The following FHOD3 variants were observed in gnomAD, a reference collection of about 807,000 sequenced individuals.
The protein encoded by FHOD3 is formin homology 2 domain containing 3.
Under a neutral mutation model 173.0 loss-of-function variants are expected in FHOD3, and 90 were observed. The ratio of observed to expected loss-of-function variants is 0.52; its 90% CI spans 0.44 to 0.62. FHOD3 has a LOEUF of 0.62. FHOD3 is among the 20% of genes least tolerant of loss of function. The pLI, the probability that FHOD3 is intolerant of heterozygous loss-of-function variation, is 0.00. For missense variants in FHOD3, 1,945 were observed against 2,034.7 expected, an observed-to-expected ratio of 0.96 and a Z score of 0.85; for synonymous variants, 828 against 823.0, an observed-to-expected ratio of 1.01 and a Z score of -0.10.
chr18:36,344,628 A>T (rs2045793102), intron 1 of FHOD3, among the ~76,000 whole-genome samples: 1 of 152,206 alleles, frequency 6.6e-6, no homozygotes, highest in Admixed American at 6.5e-5. Flanking sequence ...TAAACCAAAT[A>T]TGGCAGGAAA....
intron 3 of FHOD3, among the ~76,000 whole-genome samples, chr18:36,464,128 G>A (rs866186860): frequency 1.3e-5 from 2 of 152,292 alleles, no homozygotes; most frequent in Admixed American, 6.5e-5. Flanking sequence ...AACTTGGACC[G>A]TATCTGTGGC....
At chr18:36,681,718 T>C (rs769596701) in intron 15 of FHOD3, 148 bp downstream of exon 15, 1 of 1,035,422 alleles carries the variant, frequency 9.7e-7, no homozygotes, top group Non-Finnish European at 1.4e-6. Context: ...ATACCTGAAA[T>C]AGGCTGGATC....
chr18:36,398,241 C>T (rs570376389), intron 3 of FHOD3, among the ~76,000 whole-genome samples: 1 of 152,312 alleles, frequency 6.6e-6, no homozygotes, highest in South Asian at 2.1e-4. Flanking sequence ...GAAAACAATT[C>T]AGTGCTATGA....
intron 9 of FHOD3, among the ~76,000 whole-genome samples, chr18:36,625,281 C>G (rs1318722270): frequency 6.6e-5 from 10 of 152,190 alleles, no homozygotes; most frequent in African/African-American, 2.4e-4. Context: ...CTGCCCGCTT[C>G]GTGTCTGTTT....
intron 3 of FHOD3, among the ~76,000 whole-genome samples, chr18:36,410,788 C>T (rs528609895): frequency 6.6e-6 from 1 of 152,258 alleles, no homozygotes; most frequent in African/African-American, 2.4e-5. Flanking sequence ...GCCTATTGGG[C>T]ATTTGTATAT....
In FHOD3 at chr18:36,757,477, A is replaced by G. The variant is rs1366740936; in HGVS notation, c.4426-1641A>G. ...CAAGGACATCATAACCTGGTTAAAA[A>G]TGGCATATACACAACTTAAACCACT... On this transcript the variant is annotated intron_variant, in intron 25 of 28. Coordinates refer to ENST00000590592, the MANE Select transcript of FHOD3 (RefSeq NM_001281740.3). Among the ~76,000 whole-genome samples the G allele has an allele frequency of 2.6e-5, 4 of 152,260 alleles. No homozygotes were observed. In the East Asian group the frequency reaches 7.7e-4, roughly 29 times the overall value.
chr18:36,639,122 C>G (rs954139303), intron 10 of FHOD3, among the ~76,000 whole-genome samples: 1 of 152,314 alleles, frequency 6.6e-6, no homozygotes, highest in African/African-American at 2.4e-5. Context: ...AGGCTGCCTT[C>G]CTGAAATCTC....
At chr18:36,299,810 C>A (rs1743855304) in intron 1 of FHOD3, among the ~76,000 whole-genome samples, 1 of 152,156 alleles carries the variant, frequency 6.6e-6, no homozygotes, top group Admixed American at 6.5e-5. Context: ...TGGGGGCCAG[C>A]CAGCCTCAGT....
chr18:36,441,692 G>A (rs538484401), intron 3 of FHOD3, among the ~76,000 whole-genome samples: 1 of 152,360 alleles, frequency 6.6e-6, no homozygotes, highest in South Asian at 2.1e-4. Context: ...ACAAACAGCT[G>A]TGCTGTGTAA....
chr18:36,465,773 G>C (rs939091685), intron 3 of FHOD3, among the ~76,000 whole-genome samples: 1 of 152,082 alleles, frequency 6.6e-6, no homozygotes, highest in African/African-American at 2.4e-5. Context: ...GTGTGTGGGC[G>C]TGGTGGGTTC....
intron 3 of FHOD3, among the ~76,000 whole-genome samples, chr18:36,390,607 G>A (rs553447304): frequency 1.8e-4 from 27 of 152,268 alleles, no homozygotes; most frequent in African/African-American, 6.3e-4. Flanking sequence ...TGTAACAAAC[G>A]TGAGGCAATT....
intron 3 of FHOD3, among the ~76,000 whole-genome samples, chr18:36,386,610 G>A (rs1426940356): frequency 6.6e-6 from 1 of 152,200 alleles, no homozygotes. Context: ...ATCAGTGAGG[G>A]TGTGTGCATT....
chr18:36,759,095 T>A (rs1411970062), intron 25 of FHOD3, 23 bp from the exon 26 acceptor site: 2 of 1,535,834 alleles, frequency 1.3e-6, no homozygotes, highest in Non-Finnish European at 1.7e-6. Flanking sequence ...TTCCGTCCTG[T>A]CCTGTCCTGT....
intron 6 of FHOD3, among the ~76,000 whole-genome samples, chr18:36,586,142 T>C (rs2059019275): frequency 6.6e-6 from 1 of 152,226 alleles, no homozygotes; most frequent in African/African-American, 2.4e-5. Context: ...TTCACCTTTA[T>C]TGTTACTCAG....
At chr18:36,624,547 T>A (rs2033952191) in intron 9 of FHOD3, among the ~76,000 whole-genome samples, 2 of 152,086 alleles carry the variant, frequency 1.3e-5, no homozygotes, top group African/African-American at 4.8e-5. Flanking sequence ...GGAGGAGAGT[T>A]ACTCAGAAGG....
intron 1 of FHOD3, among the ~76,000 whole-genome samples, chr18:36,310,927 C>T (rs931314588): frequency 4.0e-5 from 6 of 151,784 alleles, no homozygotes; most frequent in Non-Finnish European, 5.9e-5. Flanking sequence ...GCAGTGGGCC[C>T]GGGGCTAAGC....
chr18:36,345,763 T>G (rs1332992275), intron 1 of FHOD3, among the ~76,000 whole-genome samples: 2 of 152,132 alleles, frequency 1.3e-5, no homozygotes, highest in Admixed American at 6.5e-5. Context: ...AAGATAAGAA[T>G]AGCAATTAGT....
At chr18:36,769,178 A>G in intron 27 of FHOD3, 87 bp from the exon 28 acceptor site, 1 of 1,482,510 alleles carries the variant, frequency 6.7e-7, no homozygotes, top group Non-Finnish European at 9.2e-7. Flanking sequence ...TGCTGAAAGA[A>G]CTCAACTGCT....
intron 3 of FHOD3, among the ~76,000 whole-genome samples, chr18:36,470,551 C>G (rs1489527171): frequency 4.6e-5 from 7 of 152,154 alleles, no homozygotes; most frequent in Non-Finnish European, 4.4e-5. Context: ...TCACTAAAAC[C>G]TATATGGTTG....
Sources: allele counts gnomAD v4.1 joint callset (sites outside exome capture counted in the v4.1 genomes callset), GRCh38; gene constraint gnomAD v4.1.1; transcripts MANE v1.5; gene names NCBI Gene and HGNC (gene_info 2026-07-23, HGNC 2026-07-21).